Variants in NAALADL2 observed in about 807,000 individuals in gnomAD.
NAALADL2 encodes the protein inactive N-acetylated-alpha-linked acidic dipeptidase-like protein 2.
A neutral mutation model predicts 87.2 loss-of-function variants in NAALADL2; 76 were observed. The ratio of observed to expected loss-of-function variants is 0.87; its 90% CI spans 0.72 to 1.05. The LOEUF (loss-of-function observed/expected upper bound fraction) is 1.05. NAALADL2 is among the 50% of genes least tolerant of loss of function. The pLI is 0.00. For missense variants in NAALADL2, 1,089 were observed against 945.8 expected (o/e 1.15, Z -1.99); for synonymous variants, 354 against 331.0 (o/e 1.07, Z -0.75).
rs1560346881 is a variant in NAALADL2 at position 174,905,477 on chromosome 3, T to C, written c.43+46027T>C. Among the ~76,000 whole-genome samples the C allele has an allele frequency of 1.3e-5, 2 of 152,004 alleles. 1 individual carries two copies. Among genetic ancestry groups the C allele is most frequent in the African/African-American group, 4.8e-5 (2 of 41,384 alleles). On this transcript the variant is annotated intron_variant, in intron 1 of 13. Transcript: ENST00000454872. ...TTAAATTGGCATCAGTTTGGTAAAA[T>C]GGCAGCATGCATTAAACTGTATTTG... is the stretch of plus-strand genomic sequence containing the variant.
intron 4 of NAALADL2, among the ~76,000 whole-genome samples, chr3:175,283,448 A>G (rs1754574442): frequency 6.6e-6 from 1 of 152,136 alleles, no homozygotes; most frequent in South Asian, 2.1e-4. Flanking sequence ...CAGGTCTGAC[A>G]TGCATTTGGC....
chr3:175,778,117 T>C (rs1392465806), intron 13 of NAALADL2, among the ~76,000 whole-genome samples: 2 of 152,172 alleles, frequency 1.3e-5, no homozygotes, highest in African/African-American at 4.8e-5. Context: ...AACCAACACC[T>C]TCCTATCTAA....
At chr3:174,706,128 CAA>C in intron 2 of NAALADL2, among the ~76,000 whole-genome samples, 1 of 152,196 alleles carries the variant, frequency 6.6e-6, no homozygotes, top group East Asian at 1.9e-4. Flanking sequence ...TGTAAAACAA[CAA>C]TAAAAATTTT....
intron 2 of NAALADL2, among the ~76,000 whole-genome samples, chr3:174,643,034 G>A (rs1326948107): frequency 6.6e-6 from 1 of 151,826 alleles, no homozygotes; most frequent in Non-Finnish European, 1.5e-5. Context: ...CTCCTACCTC[G>A]GCCTCCCAAA....
At chr3:174,553,330 C>G (rs1157732131) in intron 2 of NAALADL2, among the ~76,000 whole-genome samples, 1 of 152,134 alleles carries the variant, frequency 6.6e-6, no homozygotes, top group African/African-American at 2.4e-5. Context: ...GTCAATTAAA[C>G]TCCTAAAAGG....
intron 10 of NAALADL2, among the ~76,000 whole-genome samples, chr3:175,616,113 A>C (rs969941273): frequency 1.9e-4 from 28 of 147,440 alleles, no homozygotes; most frequent in Admixed American, 4.8e-4. Flanking sequence ...TATTTATCGT[A>C]TATATCACAG....
rs942367024 is a variant in NAALADL2 at position 175,607,724 on chromosome 3, G to A, written c.1801-19567G>A. Among the ~76,000 whole-genome samples, 24 of 152,192 alleles carry A rather than the reference G, an allele frequency of 1.6e-4. 1 individual carries two copies. The highest frequency in any genetic ancestry group is 3.3e-4 in the Admixed American group (5 of 15,272). On this transcript the variant is annotated intron_variant, in intron 10 of 13. Transcript: ENST00000454872. ...ATCACACCTGTAAAAGAGGGAAGAC[G>A]TTGACTCTTAATAAAGGATTTTGTG...
intron 1 of NAALADL2, among the ~76,000 whole-genome samples, chr3:174,525,366 C>A (rs117879992): frequency 6.6e-6 from 1 of 152,138 alleles, no homozygotes; most frequent in Non-Finnish European, 1.5e-5. Flanking sequence ...CTACTTCTGG[C>A]GAGGCCTCAG....
At chr3:175,517,497 T>A (rs1432769543) in intron 9 of NAALADL2, among the ~76,000 whole-genome samples, 1 of 152,176 alleles carries the variant, frequency 6.6e-6, no homozygotes, top group African/African-American at 2.4e-5. Flanking sequence ...ATGCATCATA[T>A]AAATACATTT....
At chr3:174,596,200 C>G (rs1482824971) in intron 2 of NAALADL2, among the ~76,000 whole-genome samples, 1 of 151,996 alleles carries the variant, frequency 6.6e-6, no homozygotes, top group Non-Finnish European at 1.5e-5. Context: ...AACCCTTTAC[C>G]ATTTTCCTTC....
intron 11 of NAALADL2, among the ~76,000 whole-genome samples, chr3:175,700,243 TC>T (rs1348998652): frequency 6.6e-6 from 1 of 152,114 alleles, no homozygotes; most frequent in East Asian, 1.9e-4. Flanking sequence ...TGCTATGTTT[TC>T]CCCCAGCTTC....
At chr3:175,170,253 C>T (rs1046551063) in intron 2 of NAALADL2, among the ~76,000 whole-genome samples, 8 of 151,398 alleles carry the variant, frequency 5.3e-5, no homozygotes, top group Middle Eastern at 3.5e-3. Context: ...TGCTTCATTA[C>T]ATGAAAATAA....
intron 3 of NAALADL2, among the ~76,000 whole-genome samples, chr3:175,244,760 G>C (rs1296826203): frequency 6.6e-6 from 1 of 152,102 alleles, no homozygotes; most frequent in African/African-American, 2.4e-5. Context: ...TCATCATTTG[G>C]ATGTGAACTC....
chr3:175,729,107 A>G (rs1247961014), intron 11 of NAALADL2, among the ~76,000 whole-genome samples: 1 of 152,178 alleles, frequency 6.6e-6, no homozygotes, highest in African/African-American at 2.4e-5. Context: ...AAGAAATAAA[A>G]GATTCATATT....
chr3:174,918,786 ACT>A (rs1405052968), intron 1 of NAALADL2, among the ~76,000 whole-genome samples: 2 of 152,008 alleles, frequency 1.3e-5, no homozygotes, highest in East Asian at 1.9e-4. Flanking sequence ...TATGAAATAA[ACT>A]CTACCACTTG....
At chr3:174,505,586 A>C (rs943793666) in intron 1 of NAALADL2, among the ~76,000 whole-genome samples, 1 of 152,234 alleles carries the variant, frequency 6.6e-6, no homozygotes, top group Non-Finnish European at 1.5e-5. Context: ...TGGGAGCTAT[A>C]AAGTCATCAT....
chr3:175,160,411 G>T (rs1427604961), intron 2 of NAALADL2, among the ~76,000 whole-genome samples: 1 of 47,172 alleles, frequency 2.1e-5, no homozygotes, highest in Non-Finnish European at 3.7e-5. Flanking sequence ...TGCTCTTGTT[G>T]CCCAGGCTGG....
At chr3:174,651,208 C>T (rs1044679399) in intron 2 of NAALADL2, among the ~76,000 whole-genome samples, 1 of 152,114 alleles carries the variant, frequency 6.6e-6, no homozygotes, top group Non-Finnish European at 1.5e-5. Context: ...TTTTCTGTTG[C>T]ATTGTTATCA....
At chr3:175,612,959 T>G (rs1189948111) in intron 10 of NAALADL2, among the ~76,000 whole-genome samples, 1 of 152,204 alleles carries the variant, frequency 6.6e-6, no homozygotes, top group African/African-American at 2.4e-5. Context: ...ACCCCAGGGA[T>G]AGCCGGGATC....
Sources: gnomAD v4.1 joint callset for allele counts (sites outside exome capture counted in the v4.1 genomes callset) on GRCh38, gnomAD v4.1.1 for gene constraint, MANE v1.5 for transcripts, NCBI Gene and HGNC (gene_info 2026-07-23, HGNC 2026-07-21) for gene names.